Variants in NECTIN3 observed in about 807,000 individuals in gnomAD.
NECTIN3 encodes the protein nectin-3.
A neutral mutation model predicts 49.4 loss-of-function variants in NECTIN3; 8 were observed. The observed-to-expected ratio is 0.16, with a 90% CI of 0.10 to 0.29. NECTIN3 has a LOEUF of 0.29. Ranked by LOEUF, NECTIN3 falls within the 10% of genes least tolerant of loss-of-function variation. NECTIN3 has a pLI of 1.00. For synonymous variants in NECTIN3, 277 were observed against 241.1 expected (o/e 1.15, Z -1.38); for missense variants, 581 against 654.6 (o/e 0.89, Z 1.23).
chr3:111,165,736 C>T (rs1446396130), intron 7 of NECTIN3, among the ~76,000 whole-genome samples: 1 of 152,098 alleles, frequency 6.6e-6, no homozygotes, highest in Non-Finnish European at 1.5e-5. Flanking sequence ...ATTCCATAAG[C>T]TTATATTAGT....
chr3:111,149,480 T>C (rs2034953786), intron 7 of NECTIN3, among the ~76,000 whole-genome samples: 1 of 149,544 alleles, frequency 6.7e-6, no homozygotes, highest in Non-Finnish European at 1.5e-5. Context: ...TGTGTGTGTG[T>C]GTGTGTGTGT....
At chr3:111,161,774 G>A (rs2035217038) in intron 7 of NECTIN3, among the ~76,000 whole-genome samples, 1 of 152,080 alleles carries the variant, frequency 6.6e-6, no homozygotes, top group South Asian at 2.1e-4. Context: ...CTGTTCTGGG[G>A]GACAAAGTTA....
intron 7 of NECTIN3, among the ~76,000 whole-genome samples, chr3:111,168,812 C>A (rs2035372495): frequency 6.6e-6 from 1 of 152,116 alleles, no homozygotes; most frequent in South Asian, 2.1e-4. Context: ...TTATTTGAAT[C>A]CTCTACTGCT....
chr3:111,102,174 A>G (rs780787305), intron 1 of NECTIN3, among the ~76,000 whole-genome samples: 41 of 152,254 alleles, frequency 2.7e-4, no homozygotes, highest in Middle Eastern at 3.4e-3. Context: ...GATCAATAGA[A>G]ATGGTGTATA....
intron 7 of NECTIN3, among the ~76,000 whole-genome samples, chr3:111,147,732 G>T (rs2034909649): frequency 6.6e-6 from 1 of 152,052 alleles, no homozygotes. Context: ...AGAAGTTATG[G>T]CCAGTATAGA....
intron 1 of NECTIN3, among the ~76,000 whole-genome samples, chr3:111,105,951 A>G (rs1256247373): frequency 6.7e-6 from 1 of 148,508 alleles, no homozygotes; most frequent in African/African-American, 2.5e-5. Flanking sequence ...CCACCAAAAC[A>G]GTTGCTAAAT....
chr3:111,149,791 G>A (rs1387718562), intron 7 of NECTIN3, among the ~76,000 whole-genome samples: 2 of 150,202 alleles, frequency 1.3e-5, no homozygotes, highest in African/African-American at 4.9e-5. Context: ...CTTGCATATT[G>A]TGATTTTTCA....
intron 7 of NECTIN3, among the ~76,000 whole-genome samples, chr3:111,184,649 T>G (rs76674144): frequency 0.035 from 5,321 of 152,308 alleles, 272 homozygotes; most frequent in East Asian, 0.22. Flanking sequence ...CTGGTTTAGT[T>G]TCTATATACT....
At chr3:111,081,625 A>G (rs1031063902) in intron 1 of NECTIN3, among the ~76,000 whole-genome samples, 1 of 152,234 alleles carries the variant, frequency 6.6e-6, no homozygotes, top group Non-Finnish European at 1.5e-5. Context: ...TTAACAAAGT[A>G]TTGTCGGATT....
chr3:111,072,498 T>C (rs2107341068), intron 1 of NECTIN3: 1 of 1,535,924 alleles, frequency 6.5e-7, no homozygotes, highest in Non-Finnish European at 8.7e-7. Flanking sequence ...TCGCTCATTC[T>C]CTGGGAACCC....
rs2034501589 is a variant in NECTIN3, at chr3:111,134,310, TTTTTCAAGTTGA to T, written c.*104_*115del. The T allele has an allele frequency of 6.8e-7, 1 of 1,467,352 alleles. No individual in the cohort carries two copies. Among genetic ancestry groups the T allele is most frequent in the Admixed American group, 2.6e-5 (1 of 38,128 alleles). The allele number at this position is 1,467,352 out of a possible 1,614,324, so 90.9% of individuals were successfully genotyped here. On this transcript the variant is annotated 3_prime_UTR_variant, in exon 6 of 6. Coordinates refer to ENST00000485303, the MANE Select transcript of NECTIN3 (RefSeq NM_015480.3). Reference sequence around the variant, plus strand: ...TACTTTTTCTTGAGGAAGAATAAGCTTTTTCAAGTTGATTTTCAAGCTTACTTTTTATATTCT... The same window carrying T: ...TACTTTTTCTTGAGGAAGAATAAGCTTTTTCAAGCTTACTTTTTATATTCT...
intron 1 of NECTIN3, chr3:111,072,806 C>G: frequency 2.2e-6 from 1 of 459,436 alleles, no homozygotes; most frequent in South Asian, 2.5e-5. Context: ...TCACACTGCC[C>G]GTGCTTATTT....
At chr3:111,089,002 T>G (rs923387134) in intron 1 of NECTIN3, among the ~76,000 whole-genome samples, 9 of 152,144 alleles carry the variant, frequency 5.9e-5, no homozygotes, top group African/African-American at 2.2e-4. Flanking sequence ...ATAGTACTAG[T>G]CAGATTGATT....
At chr3:111,112,919 C>T (rs544579874) in intron 2 of NECTIN3, among the ~76,000 whole-genome samples, 4 of 152,022 alleles carry the variant, frequency 2.6e-5, no homozygotes, top group Non-Finnish European at 4.4e-5. Flanking sequence ...TGAAAAAGCT[C>T]GTTAACTTTA....
intron 1 of NECTIN3, among the ~76,000 whole-genome samples, chr3:111,084,288 G>A (rs1188894175): frequency 6.6e-6 from 1 of 151,794 alleles, no homozygotes; most frequent in Non-Finnish European, 1.5e-5. Context: ...AACCTGTGGT[G>A]AAAAATGGAA....
At chr3:111,125,792 G>C (rs897117026) in intron 4 of NECTIN3, among the ~76,000 whole-genome samples, 1 of 152,132 alleles carries the variant, frequency 6.6e-6, no homozygotes, top group East Asian at 1.9e-4. Flanking sequence ...GAAAATTGTA[G>C]ATATGTCATG....
chr3:111,109,297 A>C (rs2033354279), intron 1 of NECTIN3, among the ~76,000 whole-genome samples: 1 of 152,172 alleles, frequency 6.6e-6, no homozygotes, highest in Non-Finnish European at 1.5e-5. Flanking sequence ...CATTCACTCC[A>C]TAAAACTTCT....
chr3:111,136,825 A>C lies in NECTIN3; in HGVS notation c.*2610A>C, dbSNP rs1240324119. ...CAATGATATAATGAAGATGAATGCA[A>C]CTCTTATTTTTCTGCCATTTTTTAT... On this transcript the variant is annotated 3_prime_UTR_variant, in exon 6 of 6. Coordinates refer to ENST00000485303, the MANE Select transcript of NECTIN3 (RefSeq NM_015480.3). 1 of 955,506 alleles carries C rather than the reference A, an allele frequency of 1.0e-6. No homozygotes were observed. The highest frequency in any genetic ancestry group is 1.2e-6 in the Non-Finnish European group (1 of 803,032). 59.2% of individuals were successfully genotyped at this position (955,506 alleles called of 1,614,324 possible).
chr3:111,143,830 T>C (rs1252876778), intron 5 of NECTIN3, among the ~76,000 whole-genome samples: 2 of 152,056 alleles, frequency 1.3e-5, no homozygotes, highest in African/African-American at 4.8e-5. Context: ...TTCTCTACTA[T>C]TCATTGATTG....
Sources: gnomAD v4.1 joint callset for allele counts (sites outside exome capture counted in the v4.1 genomes callset) on GRCh38, gnomAD v4.1.1 for gene constraint, MANE v1.5 for transcripts, NCBI Gene and HGNC (gene_info 2026-07-23, HGNC 2026-07-21) for gene names.